Variants in ESRRG observed in about 807,000 individuals in gnomAD.
ESRRG encodes the protein estrogen related receptor gamma, also known as estrogen-related receptor gamma.
In ESRRG, 13 loss-of-function variants were observed where a neutral mutation model predicts 44.0. The ratio of observed to expected loss-of-function variants is 0.30; its 90% confidence interval spans 0.19 to 0.47. The LOEUF (loss-of-function observed/expected upper bound fraction) is 0.47, where lower values mean the gene tolerates loss of function less well. Ranked by LOEUF, ESRRG falls within the 20% of genes least tolerant of loss-of-function variation. The probability of loss-of-function intolerance (pLI) is 1.00; values close to 1 mark genes in which losing one functional copy is unlikely to be tolerated. For missense variants in ESRRG, 395 were observed against 580.6 expected (o/e 0.68, Z 3.29); for synonymous variants, 215 against 214.6 (o/e 1.00, Z -0.02).
Position 216,677,369 on chromosome 1 carries a change from C to G in ESRRG, c.179G>C (p.Gly60Ala). The G allele has an allele frequency of 6.2e-7, 1 of 1,614,130 alleles. No homozygotes were observed. Among genetic ancestry groups the G allele is most frequent in the Non-Finnish European group, 8.5e-7 (1 of 1,180,012 alleles). ...TDSVNHHSPG[G>A]SSDASGSYSS... ...GTAGCTCCCACTGGCGTCTGAAGAG[C>G]CACCAGGGCTGTGGTGGTTGACGCT... The change falls in exon 2 of 7, where the codon GGC (glycine) becomes GCC (alanine). Residue 60 changes from glycine (G) to alanine (A), a missense_variant. Around this residue, in one of 5 missense-constraint regions of ESRRG, gnomAD observed 148 missense variants for 150.4 expected, o/e 0.98. Transcript: ENST00000408911.
At chr1:216,713,007 C>T (rs1285908374) in intron 1 of ESRRG, among the ~76,000 whole-genome samples, 8 of 152,144 alleles carry the variant, frequency 5.3e-5, no homozygotes, top group Admixed American at 5.2e-4. Flanking sequence ...CATTCTGTTC[C>T]TGAATTCCCC....
chr1:216,524,536 G>T (rs944717476), intron 5 of ESRRG, among the ~76,000 whole-genome samples: 4 of 151,852 alleles, frequency 2.6e-5, no homozygotes, highest in African/African-American at 9.7e-5. Context: ...CCTTAATCCA[G>T]ATTTCAATAA....
At chr1:216,877,333 G>A (rs2096370933) in intron 2 of ESRRG, among the ~76,000 whole-genome samples, 1 of 151,312 alleles carries the variant, frequency 6.6e-6, no homozygotes, top group South Asian at 2.1e-4. Flanking sequence ...ATTCATACGT[G>A]TTAGGTATTC....
intron 1 of ESRRG, among the ~76,000 whole-genome samples, chr1:216,996,894 T>C (rs2076436720): frequency 6.6e-6 from 1 of 152,132 alleles, no homozygotes; most frequent in Non-Finnish European, 1.5e-5. Flanking sequence ...TAAATATCTT[T>C]TGCAAGTTGG....
At chr1:216,537,317 C>T (rs1398901603) in intron 5 of ESRRG, among the ~76,000 whole-genome samples, 2 of 152,014 alleles carry the variant, frequency 1.3e-5, no homozygotes, top group Non-Finnish European at 2.9e-5. Context: ...AATGTGCCAG[C>T]ACCTTGATCT....
intron 1 of ESRRG, among the ~76,000 whole-genome samples, chr1:217,018,444 C>T (rs192880348): frequency 6.2e-4 from 94 of 152,214 alleles, no homozygotes; most frequent in Non-Finnish European, 9.1e-4. Flanking sequence ...AATGCCCTTC[C>T]ATAATTCTAC....
At chr1:216,667,098 C>T (rs1396019288) in intron 2 of ESRRG, among the ~76,000 whole-genome samples, 1 of 152,188 alleles carries the variant, frequency 6.6e-6, no homozygotes, top group African/African-American at 2.4e-5. Context: ...GCCAGCTGCA[C>T]CCACAGTCAG....
intron 5 of ESRRG, among the ~76,000 whole-genome samples, chr1:216,563,772 G>A (rs1307269825): frequency 6.6e-6 from 1 of 152,148 alleles, no homozygotes; most frequent in Non-Finnish European, 1.5e-5. Context: ...CCAAAGCAAA[G>A]CTTGTGAATA....
At chr1:216,687,508 G>C (rs2078235320) in intron 1 of ESRRG, among the ~76,000 whole-genome samples, 1 of 151,978 alleles carries the variant, frequency 6.6e-6, no homozygotes, top group African/African-American at 2.4e-5. Flanking sequence ...ACCATTCCTT[G>C]ATATGTCGGA....
intron 2 of ESRRG, among the ~76,000 whole-genome samples, chr1:216,859,099 T>C (rs2096005478): frequency 6.6e-6 from 1 of 152,146 alleles, no homozygotes; most frequent in African/African-American, 2.4e-5. Flanking sequence ...AAAATAAGCA[T>C]AAAATAGGAT....
chr1:216,861,609 GA>G (rs2096056365), intron 2 of ESRRG, among the ~76,000 whole-genome samples: 1 of 151,978 alleles, frequency 6.6e-6, no homozygotes, highest in Non-Finnish European at 1.5e-5. Flanking sequence ...ATACACATGA[GA>G]AAAACCTTTG....
chr1:217,088,279 C>A (rs757973782), intron 1 of ESRRG, among the ~76,000 whole-genome samples: 2 of 152,020 alleles, frequency 1.3e-5, no homozygotes, highest in Admixed American at 6.6e-5. Context: ...TCACAACATC[C>A]GCAGGTCTCT....
At chr1:217,042,627 C>T (rs888173358) in intron 1 of ESRRG, among the ~76,000 whole-genome samples, 3 of 151,900 alleles carry the variant, frequency 2.0e-5, no homozygotes, top group South Asian at 2.1e-4. Context: ...CCATTCTAAA[C>T]GTGCAAACAG....
In ESRRG at chr1:216,759,484, T is replaced by C. The variant is rs75880866; in HGVS notation, c.-13-81993A>G. Among the ~76,000 whole-genome samples, 1,405 of 152,204 alleles carry C rather than the reference T, an allele frequency of 9.2e-3. 12 individuals carry two copies. Among genetic ancestry groups the C allele is most frequent in the Middle Eastern group, 0.017 (5 of 294 alleles). ...CACTCAAGGCCTTTAAACCTTTGCC[T>C]GCTCTTCTGTTGAGTTCTTTTTTGA... On this transcript the variant is annotated intron_variant, in intron 2 of 7. Transcript: ENST00000359162.
At chr1:216,656,066 CT>C (rs1204991249) in intron 2 of ESRRG, among the ~76,000 whole-genome samples, 3 of 152,142 alleles carry the variant, frequency 2.0e-5, no homozygotes, top group Admixed American at 1.3e-4. Flanking sequence ...CTTCCATTCT[CT>C]AAAAGTGGAA....
chr1:216,734,719 T>C (rs147102619), intron 2 of ESRRG, among the ~76,000 whole-genome samples: 66 of 152,246 alleles, frequency 4.3e-4, no homozygotes, highest in African/African-American at 1.4e-3. Flanking sequence ...TCATACAACT[T>C]GAGTTTTTTA....
chr1:216,901,031 C>G (rs770985786), intron 2 of ESRRG, among the ~76,000 whole-genome samples: 3 of 152,186 alleles, frequency 2.0e-5, no homozygotes, highest in Non-Finnish European at 4.4e-5. Flanking sequence ...GAGAAGCAAT[C>G]CCAGATTCAT....
chr1:216,938,616 A>C (rs532819006), intron 2 of ESRRG, among the ~76,000 whole-genome samples: 27 of 152,324 alleles, frequency 1.8e-4, no homozygotes, highest in Non-Finnish European at 3.1e-4. Flanking sequence ...GAGTCTGCTG[A>C]ATGCTGTTCA....
At chr1:216,681,219 C>T (rs998436489) in intron 1 of ESRRG, among the ~76,000 whole-genome samples, 3 of 152,142 alleles carry the variant, frequency 2.0e-5, no homozygotes, top group Admixed American at 6.5e-5. Context: ...TCTGAATGAA[C>T]CCCCTGAGAA....
Sources: allele counts gnomAD v4.1 joint callset (sites outside exome capture counted in the v4.1 genomes callset), GRCh38; gene constraint gnomAD v4.1.1; regional missense constraint gnomAD v4.1.1; transcripts MANE v1.5; gene names NCBI Gene and HGNC (gene_info 2026-07-23, HGNC 2026-07-21).